The following FMNL1 variants were observed in gnomAD, a reference collection of about 807,000 sequenced individuals.
FMNL1 encodes formin-like protein 1.
Under a neutral mutation model 121.3 loss-of-function variants are expected in FMNL1, and 43 were observed. The ratio of observed to expected loss-of-function variants is 0.35; its 90% CI spans 0.28 to 0.46. The LOEUF is 0.46. FMNL1 is among the 20% of genes least tolerant of loss of function. The pLI, the probability that FMNL1 is intolerant of heterozygous loss-of-function variation, is 1.00. For missense variants in FMNL1, 1,191 were observed against 1,482.4 expected (o/e 0.80, Z 3.23); for synonymous variants, 613 against 613.5 (o/e 1.00, Z 0.01).
chr17:45,243,210 G>T lies in FMNL1; in HGVS notation c.2103G>T (p.Gln701His). The change falls in exon 17 of 27, where the codon CAG (glutamine) becomes CAT (histidine). Residue 701 changes from glutamine (Q) to histidine (H), a missense_variant. Around this residue, in one of 4 missense-constraint regions of FMNL1, gnomAD observed 519 missense variants for 492.8 expected, o/e 1.05. Coordinates refer to ENST00000331495, the MANE Select transcript of FMNL1 (RefSeq NM_005892.4). ...GCGCTCTCAAGAGTAAGGCAGCCCA[G>T]AAGGCCCCCAGCAAGGCGACACTCA... The part of the protein sequence containing the change: ...DLSALKSKAA[Q>H]KAPSKATLIE... 1.9e-6 allele frequency: 3 copies of T among 1,614,230 alleles called. No individual in the cohort carries two copies. In the East Asian group the frequency reaches 6.7e-5, roughly 36 times the overall value.
chr17:45,246,477 C>T, intron 25 of FMNL1, 28 bp from the exon 26 acceptor site: 1 of 1,613,886 alleles, frequency 6.2e-7, no homozygotes, highest in South Asian at 1.1e-5. Flanking sequence ...TTTCTCTACT[C>T]CCCTTCACCT....
chr17:45,222,252 T>C lies in FMNL1; in HGVS notation c.128T>C (p.Leu43Pro). The C allele has an allele frequency of 8.5e-7, 1 of 1,176,760 alleles. No individual in the cohort carries two copies. Among genetic ancestry groups the C allele is most frequent in the Non-Finnish European group, 1.1e-6 (1 of 951,426 alleles). The allele number at this position is 1,176,760 out of a possible 1,614,324, so 72.9% of individuals were successfully genotyped here. A position where few individuals can be genotyped will look rare whatever the true frequency, so the allele number is the denominator to read the frequency against. The change falls in exon 1 of 27, where the codon CTG (leucine) becomes CCG (proline). Residue 43 changes from leucine (L) to proline (P), a missense_variant and splice_region_variant. This residue lies in a region of FMNL1 where 253 missense variants were observed against 417.5 expected (regional missense o/e 0.61). Coordinates refer to ENST00000331495, the MANE Select transcript of FMNL1 (RefSeq NM_005892.4). Reference sequence around the variant, plus strand: ...CTGGAGGAGAGGTTCAACCGCGCCCTGGTGAGTGCGACCCGGAGGCGGGTC... The same window carrying C: ...CTGGAGGAGAGGTTCAACCGCGCCCCGGTGAGTGCGACCCGGAGGCGGGTC... ...GELEERFNRALNCMNLPPDKV... is the reference protein window; with the variant it reads ...GELEERFNRAPNCMNLPPDKV...
chr17:45,236,506 A>G, intron 7 of FMNL1: 1 of 348,210 alleles, frequency 2.9e-6, no homozygotes, highest in Non-Finnish European at 5.3e-6. Context: ...GACTGGGCTC[A>G]CCTACCAAGA....
Position 45,232,428 on chromosome 17 carries a change from A to G in FMNL1, c.275A>G (p.Asp92Gly). The G allele has an allele frequency of 6.2e-7, 1 of 1,613,980 alleles. No individual in the cohort carries two copies. The highest frequency in any genetic ancestry group is 8.5e-7 in the Non-Finnish European group (1 of 1,179,948). Reference protein sequence around the residue: ...AYIQKLKSYVDTGGVSRKVAA... With the variant: ...AYIQKLKSYVGTGGVSRKVAA... ...ATCCAGAAGCTGAAGAGCTATGTGG[A>G]TACTGGTGGGGTCAGCCGAAAGGTA... The change falls in exon 3 of 27, where the codon GAT (aspartate) becomes GGT (glycine). Residue 92 changes from aspartate to glycine, a missense_variant. Coordinates refer to ENST00000331495, the MANE Select transcript of FMNL1 (RefSeq NM_005892.4).
intron 12 of FMNL1, chr17:45,240,833 C>G: frequency 2.5e-6 from 2 of 785,174 alleles, no homozygotes; most frequent in South Asian, 1.9e-5. Flanking sequence ...AGCACCCTCA[C>G]TGACAGGCCC....
chr17:45,245,864 G>T lies in FMNL1; in HGVS notation c.2995-14G>T, dbSNP rs758453928. 1.3e-5 allele frequency: 20 copies of T among 1,596,362 alleles called. No homozygotes were observed. In the South Asian group the frequency reaches 2.1e-4, roughly 17 times the overall value. ...AGGGAGGGCCACCCTCATGGAGACT[G>T]CCTTGGCCCACAGAAAGCTGAGCAG... On this transcript the variant is annotated splice_polypyrimidine_tract_variant and intron_variant, in intron 23 of 26. Transcript: ENST00000331495.
In FMNL1 at chr17:45,241,035, C is replaced by CA. The variant is rs1452892250; in HGVS notation, c.1231-93dup. ...GCTGAGCGGATCTGGGAGCCTCCCC[C>CA]AGTCTTCCAGGCAGGCATGCCTGAT... On this transcript the variant is annotated intron_variant, in intron 12 of 26. Coordinates refer to ENST00000331495, the MANE Select transcript of FMNL1 (RefSeq NM_005892.4). This position sits in a 1 kb window ranked among gnomAD's most constrained non-coding sequence, Gnocchi z 7.0. The CA allele has an allele frequency of 5.4e-6, 8 of 1,486,498 alleles. No individual in the cohort carries two copies. The highest frequency in any genetic ancestry group is 6.5e-6 in the Non-Finnish European group (7 of 1,078,818). The allele number at this position is 1,486,498 out of a possible 1,614,324, so 92.1% of individuals were successfully genotyped here. A position where few individuals can be genotyped will look rare whatever the true frequency, so the allele number is the denominator to read the frequency against.
chr17:45,243,879 T>G lies in FMNL1; in HGVS notation c.2302T>G (p.Phe768Val). 6.2e-7 allele frequency: 1 copy of G among 1,613,920 alleles called. No homozygotes were observed. The highest frequency in any genetic ancestry group is 8.5e-7 in the Non-Finnish European group (1 of 1,180,020). Residue 768 changes from phenylalanine (F) to valine (V), a missense_variant, in exon 18 of 27, where the codon TTT becomes GTT. Phe to Val is a conservative substitution (Grantham distance 50, BLOSUM62 -1). Transcript: ENST00000331495. Reference sequence around the variant, plus strand: ...GTATGAGCGCAGCCTCATCACCCGCTTTGAGCGGGAGCAGCGGCCAATGGA... The same window carrying G: ...GTATGAGCGCAGCCTCATCACCCGCGTTGAGCGGGAGCAGCGGCCAATGGA... ...TEYERSLITR[F>V]EREQRPMEEL...
At position 45,246,297 on chromosome 17, in the gene FMNL1, G is replaced by C. The variant is rs181564542; in HGVS notation, c.3178G>C (p.Asp1060His). The change falls in exon 25 of 27, where the codon GAC becomes CAC. Residue 1060 changes from aspartate to histidine, a missense_variant. Physicochemically the swap from Asp to His is moderately conservative, Grantham distance 81. Coordinates refer to ENST00000331495, the MANE Select transcript of FMNL1 (RefSeq NM_005892.4). Reference sequence around the variant, plus strand: ...GAAGGAGCCACTCATTTATGAGAGCGACCGTGATGGGGCCATTGAAGACAT... The same window carrying C: ...GAAGGAGCCACTCATTTATGAGAGCCACCGTGATGGGGCCATTGAAGACAT... ...QQKEPLIYES[D>H]RDGAIEDIIT... The C allele has an allele frequency of 6.2e-7, 1 of 1,613,984 alleles. No individual in the cohort carries two copies. Among genetic ancestry groups the C allele is most frequent in the Non-Finnish European group, 8.5e-7 (1 of 1,179,972 alleles).
chr17:45,244,532 A>G (rs1162155275), intron 19 of FMNL1, among the ~76,000 whole-genome samples: 6 of 152,216 alleles, frequency 3.9e-5, no homozygotes, highest in African/African-American at 1.4e-4. Context: ...TGGCTGGTGG[A>G]CAGGCAGTGA....
intron 6 of FMNL1, chr17:45,234,862 C>T (rs890364830): frequency 6.5e-6 from 1 of 154,154 alleles, no homozygotes; most frequent in Non-Finnish European, 1.4e-5. Flanking sequence ...ACGTAGCCAT[C>T]TAGGGGCAGG....
chr17:45,222,354 T>A, intron 1 of FMNL1, 101 bp downstream of exon 1: 2 of 997,334 alleles, frequency 2.0e-6, no homozygotes, highest in East Asian at 5.6e-5. Context: ...AGGTGCCGCT[T>A]GGAGATCCCC....
chr17:45,228,937 C>T (rs963416917), intron 1 of FMNL1, among the ~76,000 whole-genome samples: 1 of 152,196 alleles, frequency 6.6e-6, no homozygotes, highest in African/African-American at 2.4e-5. Flanking sequence ...CCTGCCCCAC[C>T]CTTTGTCTCT....
chr17:45,245,991 G>A lies in FMNL1; in HGVS notation c.3090+18G>A, dbSNP rs2143658573. ...CACCCAAGGTAGGCAACTGCTCCTGGGCTTGGTACTGGGCTGCAGGGATGC... is the reference window on the plus strand; with the variant it reads ...CACCCAAGGTAGGCAACTGCTCCTGAGCTTGGTACTGGGCTGCAGGGATGC... On this transcript the variant is annotated intron_variant, in intron 24 of 26. Coordinates refer to ENST00000331495, the MANE Select transcript of FMNL1 (RefSeq NM_005892.4). 6.5e-7 allele frequency: 1 copy of A among 1,539,612 alleles called. No individual in the cohort carries two copies. Among genetic ancestry groups the A allele is most frequent in the Non-Finnish European group, 8.7e-7 (1 of 1,149,466 alleles).
chr17:45,227,180 G>C (rs1173718896), intron 1 of FMNL1, among the ~76,000 whole-genome samples: 1 of 152,098 alleles, frequency 6.6e-6, no homozygotes, highest in Non-Finnish European at 1.5e-5. Context: ...GGGTACCCTG[G>C]GGCTTGAAGG....
At position 45,241,779 on chromosome 17, in the gene FMNL1, G is replaced by T; in HGVS notation, c.1586-68G>T. On this transcript the variant is annotated intron_variant, in intron 14 of 26. Coordinates refer to ENST00000331495, the MANE Select transcript of FMNL1 (RefSeq NM_005892.4). The surrounding 1 kb of genome is among the most constrained non-coding windows in gnomAD (Gnocchi z 7.0). ...GAGCGCATGCGTAGAGCGGAGAGGC[G>T]GAGAGGGGCCCACCCAAGTCAAGGA... is the stretch of plus-strand genomic sequence containing the variant. 1 of 1,403,332 alleles carries T rather than the reference G, an allele frequency of 7.1e-7. No individual in the cohort carries two copies. Among genetic ancestry groups the T allele is most frequent in the African/African-American group, 1.5e-5 (1 of 67,716 alleles). The allele number at this position is 1,403,332 out of a possible 1,614,324, so 86.9% of individuals were successfully genotyped here.
intron 19 of FMNL1, 21 bp from the exon 20 acceptor site, chr17:45,244,798 C>A (rs2043791162): frequency 6.2e-7 from 1 of 1,602,116 alleles, no homozygotes; most frequent in South Asian, 1.1e-5. Context: ...TTCTGCTGAG[C>A]CTTTCTCCTG....
chr17:45,243,230 C>T lies in FMNL1; in HGVS notation c.2123C>T (p.Thr708Ile). Residue 708 changes from threonine (T) to isoleucine (I), a missense_variant, in exon 17 of 27, where the codon ACA becomes ATA. Thr to Ile is a moderately conservative substitution (Grantham distance 89). Coordinates refer to ENST00000331495, the MANE Select transcript of FMNL1 (RefSeq NM_005892.4). ...GCCCAGAAGGCCCCCAGCAAGGCGA[C>T]ACTCATTGAGGCCAACCGGGCCAAG... Reference protein sequence around the residue: ...KAAQKAPSKATLIEANRAKNL... With the variant: ...KAAQKAPSKAILIEANRAKNL... 6.2e-7 allele frequency: 1 copy of T among 1,614,202 alleles called. No homozygotes were observed. Among genetic ancestry groups the T allele is most frequent in the Non-Finnish European group, 8.5e-7 (1 of 1,180,032 alleles).
Position 45,233,839 on chromosome 17 carries a change from T to C in FMNL1, c.485+108T>C. The C allele has an allele frequency of 6.9e-7, 1 of 1,458,414 alleles. No homozygotes were observed. The highest frequency in any genetic ancestry group is 9.3e-7 in the Non-Finnish European group (1 of 1,074,000). The allele number at this position is 1,458,414 out of a possible 1,614,324, so 90.3% of individuals were successfully genotyped here. A position where few individuals can be genotyped will look rare whatever the true frequency, so the allele number is the denominator to read the frequency against. ...AGTTTCAAGCCAGGCAGCCCGAGCC[T>C]ACCCTGGAACCCTCCACTTGGCCTT... On this transcript the variant is annotated intron_variant, in intron 5 of 26. Transcript: ENST00000331495. The surrounding 1 kb of genome is among the most constrained non-coding windows in gnomAD (Gnocchi z 4.1).
Sources: gnomAD v4.1 joint callset for allele counts (sites outside exome capture counted in the v4.1 genomes callset) on GRCh38, gnomAD v4.1.1 for gene constraint, gnomAD v4.1.1 regional missense constraint, Gnocchi (gnomAD v3.1) non-coding constraint, MANE v1.5 for transcripts, NCBI Gene and HGNC (gene_info 2026-07-23, HGNC 2026-07-21) for gene names.